Variants in FKBP1A observed in about 807,000 individuals in gnomAD.
FKBP1A encodes peptidyl-prolyl cis-trans isomerase FKBP1A.
In FKBP1A, 5 loss-of-function variants were observed where a neutral mutation model predicts 14.2. That is an observed-to-expected ratio of 0.35 (90% CI 0.18 to 0.74). The LOEUF (loss-of-function observed/expected upper bound fraction) is 0.74, where lower values mean the gene tolerates loss of function less well. FKBP1A is among the 30% of genes least tolerant of loss of function. FKBP1A has a pLI of 0.56. For synonymous variants in FKBP1A, 42 were observed against 49.1 expected, an observed-to-expected ratio of 0.86 and a Z score of 0.60; for missense variants, 53 against 138.8, an observed-to-expected ratio of 0.38 and a Z score of 3.10.
At chr20:1,382,534 T>C (rs2089628355) in intron 2 of FKBP1A, among the ~76,000 whole-genome samples, 1 of 152,142 alleles carries the variant, frequency 6.6e-6, no homozygotes, top group Admixed American at 6.5e-5. Context: ...CTGGCCTGCG[T>C]TCTGTGTCCT....
chr20:1,370,681 A>G (rs2089452266), intron 4 of FKBP1A: 2 of 985,430 alleles, frequency 2.0e-6, no homozygotes. Context: ...ATTCTTTGGC[A>G]GTGGGTTGGG....
Position 1,390,093 on chromosome 20 carries a change from T to G in FKBP1A, c.85+2741A>C, listed in dbSNP as rs1406430962. Reference sequence around the variant, plus strand: ...GTGACTGACAGCCATTAGTGGCATTTAAAGCATCCATGTGGTAAAGGTCAG... The same window carrying G: ...GTGACTGACAGCCATTAGTGGCATTGAAAGCATCCATGTGGTAAAGGTCAG... On this transcript the variant is annotated intron_variant, in intron 2 of 4. Transcript: ENST00000400137. Among the ~76,000 whole-genome samples the G allele has an allele frequency of 2.0e-5, 3 of 152,134 alleles. No individual in the cohort carries two copies. The East Asian group carries it at 5.8e-4, about 29-fold the overall frequency.
chr20:1,370,064 A>C lies in FKBP1A; in HGVS notation c.*45T>G. The C allele has an allele frequency of 6.5e-7, 1 of 1,549,726 alleles. No individual in the cohort carries two copies. Among genetic ancestry groups the C allele is most frequent in the East Asian group, 2.4e-5 (1 of 40,916 alleles). ...ATGTCTGGAGGCACCAGATCCCTCCATGGCAGATCTGTTGGGGACAGAAAA... is the reference window on the plus strand; with the variant it reads ...ATGTCTGGAGGCACCAGATCCCTCCCTGGCAGATCTGTTGGGGACAGAAAA... On this transcript the variant is annotated 3_prime_UTR_variant, in exon 5 of 5. Transcript: ENST00000400137.
intron 2 of FKBP1A, among the ~76,000 whole-genome samples, chr20:1,388,382 C>T (rs548048854): frequency 3.6e-4 from 55 of 152,300 alleles, no homozygotes; most frequent in African/African-American, 1.3e-3. Context: ...GACATAACAA[C>T]TGCGATGAGT....
intron 2 of FKBP1A, among the ~76,000 whole-genome samples, chr20:1,381,932 C>G (rs1006539965): frequency 1.3e-5 from 2 of 152,004 alleles, no homozygotes; most frequent in Non-Finnish European, 2.9e-5. Flanking sequence ...GGGGTGAATT[C>G]AAAGGGAAAC....
chr20:1,390,243 A>C lies in FKBP1A; in HGVS notation c.85+2591T>G, dbSNP rs181307402. Among the ~76,000 whole-genome samples, 342 of 152,104 alleles carry C rather than the reference A, an allele frequency of 2.2e-3. 4 individuals carry two copies. The highest frequency in any genetic ancestry group is 7.8e-3 in the African/African-American group (322 of 41,476). Reference sequence around the variant, plus strand: ...CCTGGCAAGAGCTGACTGGATCAAGAGTGTTCACCTTACTCAAACTCTCCT... The same window carrying C: ...CCTGGCAAGAGCTGACTGGATCAAGCGTGTTCACCTTACTCAAACTCTCCT... On this transcript the variant is annotated intron_variant, in intron 2 of 4. Coordinates refer to ENST00000400137, the MANE Select transcript of FKBP1A (RefSeq NM_000801.5).
chr20:1,388,256 C>T (rs1705987313), intron 2 of FKBP1A, among the ~76,000 whole-genome samples: 2 of 152,136 alleles, frequency 1.3e-5, no homozygotes, highest in Non-Finnish European at 1.5e-5. Flanking sequence ...TTAAACAATA[C>T]CATGAGAAAA....
chr20:1,380,460 T>C (rs1336498267), intron 2 of FKBP1A, among the ~76,000 whole-genome samples: 1 of 152,130 alleles, frequency 6.6e-6, no homozygotes, highest in Non-Finnish European at 1.5e-5. Context: ...CTAGGATTAG[T>C]GCTTACTACC....
intron 2 of FKBP1A, among the ~76,000 whole-genome samples, chr20:1,383,287 T>C (rs2089635764): frequency 2.0e-5 from 3 of 152,010 alleles, no homozygotes. Flanking sequence ...TCATGAATCT[T>C]TGCAGGAGTG....
In FKBP1A at chr20:1,372,232, C is replaced by T; in HGVS notation, c.207G>A (p.Val69=). Reference sequence around the variant, plus strand: ...ATATAGTCAGTTTGGCTCTCTGACCCACACTCATCTGTGAAAAGAACAAGG... The same window carrying T: ...ATATAGTCAGTTTGGCTCTCTGACCTACACTCATCTGTGAAAAGAACAAGG... ...GWEEGVAQMS[V]GQRAKLTISP... is the part of the protein sequence containing the mutation. The change falls in exon 4 of 5, where the codon GTG becomes GTA. Residue 69 remains valine, a synonymous_variant. Coordinates refer to ENST00000400137, the MANE Select transcript of FKBP1A (RefSeq NM_000801.5). 6.2e-7 allele frequency: 1 copy of T among 1,613,680 alleles called. No individual in the cohort carries two copies. Among genetic ancestry groups the T allele is most frequent in the Non-Finnish European group, 8.5e-7 (1 of 1,179,742 alleles).
At chr20:1,380,575 A>G (rs1463195253) in intron 2 of FKBP1A, among the ~76,000 whole-genome samples, 3 of 152,144 alleles carry the variant, frequency 2.0e-5, no homozygotes, top group African/African-American at 7.2e-5. Context: ...TGAGCTCTAG[A>G]CCTACCTAAC....
At position 1,391,574 on chromosome 20, in the gene FKBP1A, A is replaced by G. The variant is rs751479154; in HGVS notation, c.85+1260T>C. On this transcript the variant is annotated intron_variant, in intron 2 of 4. Coordinates refer to ENST00000400137, the MANE Select transcript of FKBP1A (RefSeq NM_000801.5). Reference sequence around the variant, plus strand: ...CCACGGGGAAGGGCCACAGAAATAAAAGGGCATGGGAGGGGGGATGTTAGT... The same window carrying G: ...CCACGGGGAAGGGCCACAGAAATAAGAGGGCATGGGAGGGGGGATGTTAGT... 1.5e-3 allele frequency: 592 copies of G among 397,742 alleles called. 3 individuals carry two copies. Among genetic ancestry groups the G allele is most frequent in the Middle Eastern group, 3.1e-3 (5 of 1,608 alleles). The allele number at this position is 397,742 out of a possible 1,614,324, so 24.6% of individuals were successfully genotyped here.
intron 4 of FKBP1A, 124 bp from the exon 5 acceptor site, chr20:1,370,196 A>G (rs1015182406): frequency 1.4e-6 from 2 of 1,426,444 alleles, no homozygotes; most frequent in South Asian, 1.5e-5. Context: ...TCTGAGACCA[A>G]GCCACTTCTG....
At chr20:1,375,726 A>G (rs2089531972) in intron 2 of FKBP1A, 123 bp from the exon 3 acceptor site, 1 of 731,310 alleles carries the variant, frequency 1.4e-6, no homozygotes, top group African/African-American at 1.7e-5. Context: ...TGCAGTATCT[A>G]GGGAGGGTTT....
intron 4 of FKBP1A, chr20:1,370,701 C>T: frequency 2.0e-6 from 2 of 985,390 alleles, no homozygotes; most frequent in Non-Finnish European, 2.4e-6. Flanking sequence ...GAGGGTTACT[C>T]GGGGTGACTT....
intron 4 of FKBP1A, chr20:1,371,292 G>C: frequency 1.2e-6 from 1 of 847,116 alleles, no homozygotes; most frequent in Non-Finnish European, 1.4e-6. Context: ...AATGAGGGTG[G>C]AAGAGGGGAA....
At chr20:1,387,004 T>G (rs1022076926) in intron 2 of FKBP1A, among the ~76,000 whole-genome samples, 11 of 152,194 alleles carry the variant, frequency 7.2e-5, no homozygotes, top group African/African-American at 2.7e-4. Flanking sequence ...TGTGATTAAG[T>G]TATTCATAAC....
intron 2 of FKBP1A, among the ~76,000 whole-genome samples, chr20:1,385,252 T>C (rs6041892): frequency 0.12 from 17,647 of 151,968 alleles, 1,252 homozygotes; most frequent in African/African-American, 0.19. Context: ...CAGCCGGGCA[T>C]GGTGGCGTGC....
chr20:1,381,447 T>C (rs1288590201), intron 2 of FKBP1A, among the ~76,000 whole-genome samples: 2 of 152,214 alleles, frequency 1.3e-5, no homozygotes, highest in Non-Finnish European at 2.9e-5. Context: ...CAGGTGTTAG[T>C]GAGGATGTGA....
Sources: gnomAD v4.1 joint callset for allele counts (sites outside exome capture counted in the v4.1 genomes callset) on GRCh38, gnomAD v4.1.1 for gene constraint, MANE v1.5 for transcripts, NCBI Gene and HGNC (gene_info 2026-07-23, HGNC 2026-07-21) for gene names.